Variants in NT5C2 observed in about 807,000 individuals in gnomAD.
NT5C2 encodes the protein 5'-nucleotidase, cytosolic II.
Under a neutral mutation model 76.1 loss-of-function variants are expected in NT5C2, and 58 were observed. That is an observed-to-expected ratio of 0.76 (90% CI 0.62 to 0.95). NT5C2 has a LOEUF of 0.95. Ranked by LOEUF, NT5C2 falls within the 40% of genes least tolerant of loss-of-function variation. The pLI, the probability that NT5C2 is intolerant of heterozygous loss-of-function variation, is 0.00. For missense variants in NT5C2, 478 were observed against 690.3 expected, an observed-to-expected ratio of 0.69 and a Z score of 3.45; for synonymous variants, 229 against 237.4, an observed-to-expected ratio of 0.96 and a Z score of 0.32.
At chr10:103,090,243 G>C (rs1590580961) in intron 18 of NT5C2, 2 of 320,904 alleles carry the variant, frequency 6.2e-6, no homozygotes, top group South Asian at 1.8e-4. Flanking sequence ...TTCTTGAGAT[G>C]GTCTCTCGCT....
chr10:103,093,436 CAA>C (rs975384866), intron 14 of NT5C2, 127 bp from the exon 15 acceptor site: 2 of 798,140 alleles, frequency 2.5e-6, no homozygotes, highest in African/African-American at 1.8e-5. Context: ...GAAGAATAGA[CAA>C]AGACTCACCA....
chr10:103,097,259 T>C, intron 11 of NT5C2, 32 bp downstream of exon 11: 1 of 1,481,854 alleles, frequency 6.7e-7, no homozygotes, highest in South Asian at 1.2e-5. Context: ...ATAATTCCAC[T>C]GCATAAATAA....
intron 12 of NT5C2, among the ~76,000 whole-genome samples, chr10:103,095,012 T>C (rs1196659493): frequency 2.0e-5 from 3 of 151,950 alleles, no homozygotes; most frequent in African/African-American, 7.3e-5. Context: ...TAAATTACAA[T>C]ACTTATTTTA....
chr10:103,159,978 G>A (rs1474716485), intron 3 of NT5C2, among the ~76,000 whole-genome samples: 1 of 152,152 alleles, frequency 6.6e-6, no homozygotes, highest in Non-Finnish European at 1.5e-5. Flanking sequence ...AGAAGAGTAG[G>A]TTGCTGTTTT....
intron 3 of NT5C2, among the ~76,000 whole-genome samples, chr10:103,142,851 C>T (rs1210026096): frequency 2.0e-5 from 3 of 151,774 alleles, no homozygotes; most frequent in South Asian, 2.1e-4. Flanking sequence ...AGCATGGTGG[C>T]GTGTTCCTGT....
chr10:103,107,125 G>A (rs1423448189), intron 4 of NT5C2, among the ~76,000 whole-genome samples: 1 of 152,174 alleles, frequency 6.6e-6, no homozygotes, highest in Admixed American at 6.5e-5. Flanking sequence ...TCGGTGTTGT[G>A]CATAATTGTT....
chr10:103,091,969 C>G (rs920287234), intron 15 of NT5C2, among the ~76,000 whole-genome samples: 2 of 152,228 alleles, frequency 1.3e-5, no homozygotes, highest in African/African-American at 4.8e-5. Context: ...GTCCCATTTT[C>G]AGATGAAAGA....
intron 4 of NT5C2, among the ~76,000 whole-genome samples, chr10:103,126,407 A>G (rs896684755): frequency 3.9e-5 from 6 of 152,208 alleles, no homozygotes; most frequent in African/African-American, 1.4e-4. Context: ...GCAGATCACA[A>G]GGTCAGGAGT....
rs1189038904 is a variant in NT5C2, at chr10:103,093,955, G to T, written c.988+17C>A. On this transcript the variant is annotated intron_variant, in intron 14 of 18. Coordinates refer to ENST00000404739, the MANE Select transcript of NT5C2 (RefSeq NM_001351169.2). Reference sequence around the variant, plus strand: ...GTCTGAGCAAAGACATTAAATAAAGGGAAGTCTGTGACTTACCTCCTGAGT... The same window carrying T: ...GTCTGAGCAAAGACATTAAATAAAGTGAAGTCTGTGACTTACCTCCTGAGT... The T allele has an allele frequency of 5.0e-6, 8 of 1,592,626 alleles. No individual in the cohort carries two copies. Among genetic ancestry groups the T allele is most frequent in the Non-Finnish European group, 6.9e-6 (8 of 1,160,568 alleles).
chr10:103,092,180 A>G (rs1385468857), intron 15 of NT5C2, among the ~76,000 whole-genome samples: 7 of 152,180 alleles, frequency 4.6e-5, no homozygotes, highest in Admixed American at 2.6e-4. Context: ...TGGGTTCCTC[A>G]AGACAAGCCC....
At chr10:103,100,915 T>G in intron 8 of NT5C2, 130 bp downstream of exon 8, 1 of 714,606 alleles carries the variant, frequency 1.4e-6, no homozygotes, top group Non-Finnish European at 2.6e-6. Flanking sequence ...AGGTTGGCAA[T>G]GTGGCATCTC....
intron 8 of NT5C2, among the ~76,000 whole-genome samples, chr10:103,100,484 A>G (rs2069290519): frequency 6.6e-6 from 1 of 152,204 alleles, no homozygotes; most frequent in African/African-American, 2.4e-5. Flanking sequence ...CCCAAAGAGG[A>G]TAAGAAGTTA....
intron 3 of NT5C2, among the ~76,000 whole-genome samples, chr10:103,144,753 T>A (rs968362469): frequency 6.6e-6 from 1 of 152,216 alleles, no homozygotes; most frequent in Non-Finnish European, 1.5e-5. Flanking sequence ...TTTTGTGACA[T>A]ATGTCATATA....
Position 103,130,635 on chromosome 10 carries a change from A to G in NT5C2, c.175+8771T>C, listed in dbSNP as rs186873325. 2.0e-5 allele frequency among the ~76,000 whole-genome samples: 3 copies of G among 151,352 alleles called. No homozygotes were observed. In the East Asian group the frequency reaches 5.8e-4, roughly 29 times the overall value. The stretch of plus-strand genomic sequence containing the variant: ...GTTTACAAGTTTAGAATTATTATAT[A>G]TTCAGCTTAACATTCCTACAGTCCA... On this transcript the variant is annotated intron_variant, in intron 4 of 18. Coordinates refer to ENST00000404739, the MANE Select transcript of NT5C2 (RefSeq NM_001351169.2).
intron 3 of NT5C2, among the ~76,000 whole-genome samples, chr10:103,163,874 A>C (rs1436266280): frequency 2.7e-4 from 41 of 150,626 alleles, no homozygotes; most frequent in East Asian, 1.2e-3. Flanking sequence ...AAAAAAACAA[A>C]AAAAAAAAAA....
intron 3 of NT5C2, among the ~76,000 whole-genome samples, chr10:103,168,965 T>C (rs2087093432): frequency 6.6e-6 from 1 of 152,118 alleles, no homozygotes; most frequent in Admixed American, 6.6e-5. Flanking sequence ...ATTCTACAAA[T>C]TGACTTAACT....
At chr10:103,164,898 T>G (rs943515357) in intron 3 of NT5C2, among the ~76,000 whole-genome samples, 1 of 152,224 alleles carries the variant, frequency 6.6e-6, no homozygotes, top group African/African-American at 2.4e-5. Context: ...TTAGATATGT[T>G]GTTTTTGGAA....
intron 4 of NT5C2, among the ~76,000 whole-genome samples, chr10:103,129,945 C>G (rs1376029165): frequency 4.4e-4 from 61 of 137,728 alleles, no homozygotes; most frequent in Non-Finnish European, 5.1e-4. Flanking sequence ...GGTCAGCCCC[C>G]CCGCCCGGCC....
At chr10:103,184,467 C>G (rs995059809) in intron 1 of NT5C2, among the ~76,000 whole-genome samples, 1 of 152,168 alleles carries the variant, frequency 6.6e-6, no homozygotes, top group Non-Finnish European at 1.5e-5. Flanking sequence ...GTTTTTTGCA[C>G]ATAACCCTTA....
Sources: allele counts gnomAD v4.1 joint callset (sites outside exome capture counted in the v4.1 genomes callset), GRCh38; gene constraint gnomAD v4.1.1; transcripts MANE v1.5; gene names NCBI Gene and HGNC (gene_info 2026-07-23, HGNC 2026-07-21).